The following NCAPD2 variants were observed in gnomAD, a reference collection of about 807,000 sequenced individuals.
NCAPD2 encodes the protein condensin complex subunit 1.
Under a neutral mutation model 164.5 loss-of-function variants are expected in NCAPD2, and 100 were observed. The observed-to-expected ratio is 0.61, with a 90% CI of 0.52 to 0.72. The LOEUF (loss-of-function observed/expected upper bound fraction) is 0.72, where lower values mean the gene tolerates loss of function less well. Ranked by LOEUF, NCAPD2 falls within the 30% of genes least tolerant of loss-of-function variation. The pLI, the probability that NCAPD2 is intolerant of heterozygous loss-of-function variation, is 0.00. For synonymous variants in NCAPD2, 585 were observed against 642.6 expected (o/e 0.91, Z 1.36); for missense variants, 1,560 against 1,749.2 (o/e 0.89, Z 1.93).
chr12:6,513,134 C>G (rs749200514), intron 6 of NCAPD2, among the ~76,000 whole-genome samples: 1 of 152,160 alleles, frequency 6.6e-6, no homozygotes, highest in Non-Finnish European at 1.5e-5. Flanking sequence ...AGAGATAACA[C>G]ATTTGGGAAT....
chr12:6,515,558 A>G (rs1946191165), intron 9 of NCAPD2, among the ~76,000 whole-genome samples: 3 of 152,096 alleles, frequency 2.0e-5, no homozygotes, highest in Admixed American at 1.3e-4. Context: ...TGCTTCCTCA[A>G]ACAATGAACT....
At chr12:6,518,087 T>G (rs1342196733) in intron 13 of NCAPD2, 128 bp downstream of exon 13, 4 of 848,770 alleles carry the variant, frequency 4.7e-6, no homozygotes, top group Non-Finnish European at 7.3e-6. Flanking sequence ...TGGTAGATGT[T>G]TTCATGTAGT....
At chr12:6,529,629 CG>C (rs748457446) in intron 28 of NCAPD2, 36 bp downstream of exon 28, 1 of 1,610,630 alleles carries the variant, frequency 6.2e-7, no homozygotes. Context: ...TTGTGCTGAG[CG>C]GGGCCCTGCA....
chr12:6,526,243 G>C, intron 19 of NCAPD2, 43 bp downstream of exon 19: 3 of 1,614,098 alleles, frequency 1.9e-6, no homozygotes, highest in Non-Finnish European at 2.5e-6. Context: ...GGAGATTCTC[G>C]TGTCCACCCT....
At chr12:6,498,910 A>G (rs995519599) in intron 2 of NCAPD2, among the ~76,000 whole-genome samples, 1 of 152,014 alleles carries the variant, frequency 6.6e-6, no homozygotes, top group African/African-American at 2.4e-5. Flanking sequence ...GGCCTGTTTA[A>G]CAATAATATT....
intron 14 of NCAPD2, 57 bp downstream of exon 14, chr12:6,521,167 G>A: frequency 6.3e-7 from 1 of 1,588,690 alleles, no homozygotes. Flanking sequence ...TATTTACTGA[G>A]CATTAACTTT....
chr12:6,501,228 T>A (rs1421860225), intron 2 of NCAPD2, among the ~76,000 whole-genome samples: 48 of 6,224 alleles, frequency 7.7e-3, no homozygotes, highest in Non-Finnish European at 0.011. Context: ...GCCTGGCTAA[T>A]TTTTTTTTTT....
chr12:6,529,352 C>T (rs914650414), intron 27 of NCAPD2, 161 bp from the exon 28 acceptor site: 4 of 686,362 alleles, frequency 5.8e-6, no homozygotes, highest in Admixed American at 2.7e-5. Context: ...TGGGGTCCCT[C>T]TCTGCTGAAT....
intron 17 of NCAPD2, among the ~76,000 whole-genome samples, chr12:6,524,508 G>T (rs1256251977): frequency 6.6e-6 from 1 of 151,996 alleles, no homozygotes; most frequent in African/African-American, 2.4e-5. Context: ...AATTAGCCAG[G>T]TGTGGTGGTG....
chr12:6,514,243 T>C (rs1345984947), intron 6 of NCAPD2, 22 bp from the exon 7 acceptor site: 1 of 1,614,056 alleles, frequency 6.2e-7, no homozygotes, highest in Non-Finnish European at 8.5e-7. Context: ...GCTTTCATCA[T>C]CTCAAACTCT....
Position 6,521,913 on chromosome 12 carries a change from A to C in NCAPD2, c.1830A>C (p.Gly610=). Residue 610 remains glycine, a synonymous_variant, in exon 15 of 32, where the codon GGA becomes GGC. Transcript: ENST00000315579. ...PNMSDPEESR[G]NDELVKQEML... is the part of the protein sequence containing the mutation. ...TGTCGGATCCTGAGGAATCCAGGGG[A>C]AATGATGAACTAGTGAAGCAGGAGA... 1 of 1,614,146 alleles carries C rather than the reference A, an allele frequency of 6.2e-7. No individual in the cohort carries two copies. Among genetic ancestry groups the C allele is most frequent in the East Asian group, 2.2e-5 (1 of 44,876 alleles).
chr12:6,507,937 C>A (rs1018453370), intron 2 of NCAPD2, among the ~76,000 whole-genome samples: 2 of 152,076 alleles, frequency 1.3e-5, no homozygotes, highest in African/African-American at 4.8e-5. Flanking sequence ...CTCATCATAT[C>A]CCACAGGAGG....
intron 6 of NCAPD2, among the ~76,000 whole-genome samples, chr12:6,511,793 C>T (rs1946150444): frequency 6.7e-6 from 1 of 148,976 alleles, no homozygotes; most frequent in South Asian, 2.1e-4. Context: ...ACCGGCCTGG[C>T]CAACATGGTG....
chr12:6,510,514 T>G (rs1946136781), intron 4 of NCAPD2, 115 bp from the exon 5 acceptor site: 2 of 1,238,050 alleles, frequency 1.6e-6, no homozygotes, highest in African/African-American at 1.5e-5. Flanking sequence ...TTATGGCCAC[T>G]GAGAGATGAA....
Position 6,531,442 on chromosome 12 carries a change from G to T in NCAPD2, c.*30G>T. On this transcript the variant is annotated 3_prime_UTR_variant, in exon 32 of 32. Transcript: ENST00000315579. This position sits in a 1 kb window ranked among gnomAD's most constrained non-coding sequence, Gnocchi z 4.1. The stretch of plus-strand genomic sequence containing the variant: ...TCTGTTCCTGTCCTCCCTGTGCAGG[G>T]TATCCTGTAGGGTGACCTGGAATTC... 1 of 1,611,388 alleles carries T rather than the reference G, an allele frequency of 6.2e-7. No individual in the cohort carries two copies. The highest frequency in any genetic ancestry group is 8.5e-7 in the Non-Finnish European group (1 of 1,179,012).
chr12:6,522,366 A>G (rs1346797823), intron 15 of NCAPD2, among the ~76,000 whole-genome samples: 1 of 151,698 alleles, frequency 6.6e-6, no homozygotes, highest in African/African-American at 2.4e-5. Context: ...GCAGGAAGAC[A>G]GGTTGAGGCC....
Position 6,531,570 on chromosome 12 carries a change from C to T in NCAPD2, c.*158C>T. 6.9e-7 allele frequency: 1 copy of T among 1,452,232 alleles called. No homozygotes were observed. Among genetic ancestry groups the T allele is most frequent in the Non-Finnish European group, 9.2e-7 (1 of 1,082,418 alleles). 90.0% of individuals were successfully genotyped at this position (1,452,232 alleles called of 1,614,324 possible). A position where few individuals can be genotyped will look rare whatever the true frequency, so the allele number is the denominator to read the frequency against. On this transcript the variant is annotated 3_prime_UTR_variant, in exon 32 of 32. Transcript: ENST00000315579. This position sits in a 1 kb window ranked among gnomAD's most constrained non-coding sequence, Gnocchi z 4.1. Reference sequence around the variant, plus strand: ...CCTGTAATCCCAGCACTTTGCGATACCAAGGCGGGTGGATAACCTGAGGTA... The same window carrying T: ...CCTGTAATCCCAGCACTTTGCGATATCAAGGCGGGTGGATAACCTGAGGTA...
intron 17 of NCAPD2, 58 bp downstream of exon 17, chr12:6,523,404 T>TTG (rs1946286409): frequency 1.4e-6 from 2 of 1,427,754 alleles, no homozygotes; most frequent in South Asian, 1.2e-5. Context: ...GGTTGTTTTT[T>TTG]TTTTTTTTTT....
At position 6,504,204 on chromosome 12, in the gene NCAPD2, T is replaced by C. The variant is rs371633432; in HGVS notation, c.128-5513T>C. Among the ~76,000 whole-genome samples, 91 of 22,538 alleles carry C rather than the reference T, an allele frequency of 4.0e-3. 1 individual carries two copies. The highest frequency in any genetic ancestry group is 0.032 in the African/African-American group (66 of 2,050). 14.8% of individuals were successfully genotyped at this position (22,538 alleles called of 152,430 possible). On this transcript the variant is annotated intron_variant, in intron 2 of 31. Transcript: ENST00000315579. The stretch of plus-strand genomic sequence containing the variant: ...ATACATATATATATATATATATATA[T>C]ATATATATATATAGATATAGATATA...
Sources: allele counts gnomAD v4.1 joint callset (sites outside exome capture counted in the v4.1 genomes callset), GRCh38; gene constraint gnomAD v4.1.1; non-coding constraint Gnocchi (gnomAD v3.1); transcripts MANE v1.5; gene names NCBI Gene and HGNC (gene_info 2026-07-23, HGNC 2026-07-21).